The following TFPI variants were observed in gnomAD, a reference collection of about 807,000 sequenced individuals.
TFPI encodes anti-convertin.
Under a neutral mutation model 34.6 loss-of-function variants are expected in TFPI, and 15 were observed. The observed-to-expected ratio is 0.43, with a 90% CI of 0.29 to 0.67. The LOEUF is 0.67. TFPI is among the 30% of genes least tolerant of loss of function. The pLI, the probability that TFPI is intolerant of heterozygous loss-of-function variation, is 0.15. For missense variants in TFPI, 301 were observed against 364.0 expected (o/e 0.83, Z 1.41); for synonymous variants, 105 against 120.1 (o/e 0.87, Z 0.82).
At chr2:187,522,025 C>T (rs887221925) in intron 1 of TFPI, among the ~76,000 whole-genome samples, 20 of 151,970 alleles carry the variant, frequency 1.3e-4, no homozygotes, top group East Asian at 3.8e-4. Flanking sequence ...CTTATTTGTA[C>T]GTCTTCTTCG....
rs779765933 is a variant in TFPI, at chr2:187,496,984, G to A, written c.216C>T (p.Phe72=). ...PCKAIMKRFF[F]NIFTRQCEEF... Reference sequence around the variant, plus strand: ...CTTCGCACTGTCGAGTGAAAATATTGAAGAAAAATCTTTTCATGATTGCTT... The same window carrying A: ...CTTCGCACTGTCGAGTGAAAATATTAAAGAAAAATCTTTTCATGATTGCTT... Residue 72 remains phenylalanine, a synonymous_variant, in exon 3 of 8, where the codon TTC becomes TTT. Transcript: ENST00000233156. 3 of 1,613,186 alleles carry A rather than the reference G, an allele frequency of 1.9e-6. No homozygotes were observed. The highest frequency in any genetic ancestry group is 1.7e-4 in the Middle Eastern group (1 of 6,058).
chr2:187,495,808 T>A (rs1034299422), intron 3 of TFPI, among the ~76,000 whole-genome samples: 1 of 152,144 alleles, frequency 6.6e-6, no homozygotes, highest in Non-Finnish European at 1.5e-5. Flanking sequence ...CTGTATCACC[T>A]CAATTGTATC....
At chr2:187,524,584 G>C (rs367749485) in intron 1 of TFPI, among the ~76,000 whole-genome samples, 8 of 152,128 alleles carry the variant, frequency 5.3e-5, no homozygotes, top group East Asian at 1.9e-4. Flanking sequence ...TAAACTTTGT[G>C]AGTTAAAATT....
chr2:187,522,394 G>A (rs1337735668), intron 1 of TFPI, among the ~76,000 whole-genome samples: 1 of 151,898 alleles, frequency 6.6e-6, no homozygotes, highest in Non-Finnish European at 1.5e-5. Flanking sequence ...TGGTTGCTAG[G>A]GCCTGGAGAG....
At chr2:187,552,041 T>C (rs1689115744) in intron 1 of TFPI, among the ~76,000 whole-genome samples, 1 of 152,166 alleles carries the variant, frequency 6.6e-6, no homozygotes, top group South Asian at 2.1e-4. Context: ...ATAATTCAAT[T>C]TAATTAATTT....
At chr2:187,509,221 C>T (rs1686447206) in intron 1 of TFPI, among the ~76,000 whole-genome samples, 1 of 152,182 alleles carries the variant, frequency 6.6e-6, no homozygotes. Context: ...AGGATTTTCA[C>T]ATTAATGTTC....
chr2:187,508,818 A>G (rs1270601703), intron 1 of TFPI, among the ~76,000 whole-genome samples: 1 of 152,168 alleles, frequency 6.6e-6, no homozygotes, highest in African/African-American at 2.4e-5. Flanking sequence ...CCCGGCCAGA[A>G]CTTCCAATAC....
At chr2:187,528,362 T>C (rs893927567) in intron 1 of TFPI, among the ~76,000 whole-genome samples, 6 of 152,164 alleles carry the variant, frequency 3.9e-5, no homozygotes, top group Admixed American at 3.9e-4. Context: ...ATCTATTAAG[T>C]ATTATATTTA....
At chr2:187,523,773 C>CT (rs1416290345) in intron 1 of TFPI, among the ~76,000 whole-genome samples, 1 of 152,072 alleles carries the variant, frequency 6.6e-6, no homozygotes, top group Non-Finnish European at 1.5e-5. Flanking sequence ...AGTTACTGAT[C>CT]TTTTTACTGT....
chr2:187,497,173 A>C, intron 2 of TFPI, 95 bp from the exon 3 acceptor site: 2 of 1,110,560 alleles, frequency 1.8e-6, no homozygotes, highest in Non-Finnish European at 2.5e-6. Context: ...ATTTTAAGGA[A>C]AAGTACAATA....
At chr2:187,492,776 C>CG (rs1350778771) in intron 3 of TFPI, among the ~76,000 whole-genome samples, 3 of 152,130 alleles carry the variant, frequency 2.0e-5, no homozygotes, top group African/African-American at 2.4e-5. Context: ...GCCTGTACCC[C>CG]CATTGTATCT....
intron 1 of TFPI, among the ~76,000 whole-genome samples, chr2:187,504,609 T>C (rs1377572226): frequency 6.6e-6 from 1 of 151,994 alleles, no homozygotes; most frequent in Non-Finnish European, 1.5e-5. Flanking sequence ...CACCTTTATT[T>C]TTTTAAAGAC....
chr2:187,470,346 ACTT>A (rs1691960278), intron 6 of TFPI, among the ~76,000 whole-genome samples: 2 of 152,254 alleles, frequency 1.3e-5, no homozygotes, highest in East Asian at 3.9e-4. Flanking sequence ...CAGGGAGCAA[ACTT>A]CTTCTCTTTT....
At chr2:187,537,119 A>G (rs567063561) in intron 1 of TFPI, among the ~76,000 whole-genome samples, 1 of 152,370 alleles carries the variant, frequency 6.6e-6, no homozygotes, top group East Asian at 1.9e-4. Flanking sequence ...GTTCATGCTC[A>G]TGGATAAGAA....
intron 1 of TFPI, among the ~76,000 whole-genome samples, chr2:187,510,912 C>T (rs973535312): frequency 5.3e-5 from 8 of 152,144 alleles, no homozygotes; most frequent in African/African-American, 9.7e-5. Flanking sequence ...TTCTTTAACC[C>T]GGTGTCTGAG....
chr2:187,540,851 A>G (rs111824898), intron 1 of TFPI, among the ~76,000 whole-genome samples: 19 of 146,726 alleles, frequency 1.3e-4, no homozygotes, highest in South Asian at 2.2e-4. Flanking sequence ...AGATTGTGTC[A>G]CTGCACTCCA....
chr2:187,521,954 T>A (rs1047076089), intron 1 of TFPI, among the ~76,000 whole-genome samples: 1 of 152,234 alleles, frequency 6.6e-6, no homozygotes, highest in African/African-American at 2.4e-5. Flanking sequence ...TAAACTGATA[T>A]CTCATTATTA....
chr2:187,492,842 C>T lies in TFPI; in HGVS notation c.319+4039G>A, dbSNP rs182341073. Among the ~76,000 whole-genome samples, 17 of 152,258 alleles carry T rather than the reference C, an allele frequency of 1.1e-4. No homozygotes were observed. In the East Asian group the frequency reaches 3.3e-3, roughly 29 times the overall value. ...AAGCTCCTAGGCAGAAGGGACTTGC[C>T]TTGTCTCAGATGAGACATTGGACTG... is the stretch of plus-strand genomic sequence containing the variant. On this transcript the variant is annotated intron_variant, in intron 3 of 7. Coordinates refer to ENST00000233156, the MANE Select transcript of TFPI (RefSeq NM_006287.6).
At chr2:187,529,606 C>T (rs1376828803) in intron 1 of TFPI, 1 of 152,138 alleles carries the variant, frequency 6.6e-6, no homozygotes, top group Non-Finnish European at 1.5e-5. Flanking sequence ...CCCCCTAAAA[C>T]CTTACCTTCA....
Sources: allele counts gnomAD v4.1 joint callset (sites outside exome capture counted in the v4.1 genomes callset), GRCh38; gene constraint gnomAD v4.1.1; transcripts MANE v1.5; gene names NCBI Gene and HGNC (gene_info 2026-07-23, HGNC 2026-07-21).